The following GAP43 variants were observed in gnomAD, a reference collection of about 807,000 sequenced individuals.
GAP43 encodes neuromodulin.
Under a neutral mutation model 18.6 loss-of-function variants are expected in GAP43, and 6 were observed. That is an observed-to-expected ratio of 0.32 (90% CI 0.18 to 0.64). The LOEUF (loss-of-function observed/expected upper bound fraction) is 0.64, where lower values mean the gene tolerates loss of function less well. Ranked by LOEUF, GAP43 falls within the 30% of genes least tolerant of loss-of-function variation. The pLI, the probability that GAP43 is intolerant of heterozygous loss-of-function variation, is 0.78. For missense variants in GAP43, 292 were observed against 295.5 expected, an observed-to-expected ratio of 0.99 and a Z score of 0.09; for synonymous variants, 115 against 111.4, an observed-to-expected ratio of 1.03 and a Z score of -0.20.
At chr3:115,708,705 T>C (rs1709395842) in intron 2 of GAP43, among the ~76,000 whole-genome samples, 1 of 152,094 alleles carries the variant, frequency 6.6e-6, no homozygotes, top group Admixed American at 6.6e-5. Flanking sequence ...AGGAACCAGG[T>C]TGAGGTGGCT....
intron 1 of GAP43, chr3:115,663,861 G>A: frequency 6.4e-7 from 1 of 1,552,142 alleles, no homozygotes; most frequent in Non-Finnish European, 8.7e-7. Context: ...AATCTTCAGA[G>A]AGCAGTTCGA....
At chr3:115,679,686 C>T (rs1006737705) in intron 2 of GAP43, among the ~76,000 whole-genome samples, 7 of 152,166 alleles carry the variant, frequency 4.6e-5, no homozygotes, top group Non-Finnish European at 8.8e-5. Context: ...TTCTCTCTTA[C>T]GTCTCCTCTT....
At chr3:115,636,682 G>C (rs77139573) in intron 1 of GAP43, among the ~76,000 whole-genome samples, 2 of 151,982 alleles carry the variant, frequency 1.3e-5, no homozygotes, top group African/African-American at 4.8e-5. Context: ...AATTTCAATG[G>C]TTTCTCTTTG....
Position 115,661,831 on chromosome 3 carries a change from C to CTTTTTTTTTTTTTTTTTTTTTTTTTTT in GAP43, c.31-14168_31-14167insTTTTTTTTTTTTTTTTTTTTTTTTTTT, listed in dbSNP as rs56209932. Among the ~76,000 whole-genome samples the CTTTTTTTTTTTTTTTTTTTTTTTTTTT allele has an allele frequency of 3.8e-5, 4 of 105,970 alleles. 1 individual carries two copies. The highest frequency in any genetic ancestry group is 1.2e-4 in the African/African-American group (3 of 24,548). 69.5% of individuals were successfully genotyped at this position (105,970 alleles called of 152,430 possible). ...AGTTTGGCTTGGGGAGAAACTAGGG[C>CTTTTTTTTTTTTTTTTTTTTTTTTTTT]TTTTTTTTTTTTTTACCTGGGAGCT... On this transcript the variant is annotated intron_variant, in intron 1 of 2. Transcript: ENST00000305124.
At chr3:115,643,483 T>C (rs1183424518) in intron 1 of GAP43, among the ~76,000 whole-genome samples, 1 of 152,110 alleles carries the variant, frequency 6.6e-6, no homozygotes, top group Non-Finnish European at 1.5e-5. Context: ...GATGTAACCC[T>C]GTAGTCAGAA....
chr3:115,683,131 GCGTGCGCGCGCGCGCGCA>G (rs1425561733), intron 2 of GAP43, among the ~76,000 whole-genome samples: 7 of 97,420 alleles, frequency 7.2e-5, no homozygotes, highest in Non-Finnish European at 1.1e-4. Context: ...ATGTGCGCGC[GCGTGCGCGCGCGCGCGCA>G]CACACACACA....
chr3:115,701,400 A>G (rs1240869111), intron 2 of GAP43, among the ~76,000 whole-genome samples: 1 of 151,966 alleles, frequency 6.6e-6, no homozygotes, highest in Non-Finnish European at 1.5e-5. Flanking sequence ...AGGGTCATTT[A>G]AAGAGCCCTA....
At chr3:115,712,150 TG>T in intron 2 of GAP43, among the ~76,000 whole-genome samples, 1 of 152,336 alleles carries the variant, frequency 6.6e-6, no homozygotes, top group South Asian at 2.1e-4. Context: ...AAAATATCTC[TG>T]GGTTTTTTCT....
At chr3:115,654,900 G>A (rs760300503) in intron 1 of GAP43, among the ~76,000 whole-genome samples, 2 of 152,068 alleles carry the variant, frequency 1.3e-5, no homozygotes, top group Non-Finnish European at 2.9e-5. Context: ...TACTGAGTGA[G>A]GTGATTTTTA....
intron 2 of GAP43, among the ~76,000 whole-genome samples, chr3:115,714,651 G>A (rs1450269613): frequency 1.3e-5 from 2 of 151,502 alleles, no homozygotes; most frequent in Non-Finnish European, 2.9e-5. Flanking sequence ...AGGAAAAAAA[G>A]CCTAAACTAC....
intron 1 of GAP43, among the ~76,000 whole-genome samples, chr3:115,662,042 C>T (rs1576986235): frequency 6.6e-6 from 1 of 151,840 alleles, no homozygotes; most frequent in African/African-American, 2.4e-5. Context: ...AACCACAATT[C>T]GATTTTAGCT....
intron 1 of GAP43, among the ~76,000 whole-genome samples, chr3:115,674,849 T>C (rs1360751825): frequency 6.6e-6 from 1 of 152,240 alleles, no homozygotes; most frequent in African/African-American, 2.4e-5. Flanking sequence ...CATAAAATCC[T>C]GATGGGATTT....
At chr3:115,700,626 G>A (rs921574038) in intron 2 of GAP43, among the ~76,000 whole-genome samples, 4 of 151,974 alleles carry the variant, frequency 2.6e-5, no homozygotes, top group Non-Finnish European at 4.4e-5. Context: ...ATATTATTAT[G>A]TACACTGAAG....
At chr3:115,685,509 C>A (rs945643116) in intron 2 of GAP43, among the ~76,000 whole-genome samples, 1 of 152,178 alleles carries the variant, frequency 6.6e-6, no homozygotes, top group African/African-American at 2.4e-5. Context: ...GGACACAGAC[C>A]AGTAAACAGG....
chr3:115,720,437 A>G (rs982509511), intron 2 of GAP43, among the ~76,000 whole-genome samples: 6 of 152,202 alleles, frequency 3.9e-5, no homozygotes, highest in Non-Finnish European at 8.8e-5. Context: ...TTCTGACACT[A>G]ATAGAACAGC....
chr3:115,706,980 T>G (rs574073509), intron 2 of GAP43, among the ~76,000 whole-genome samples: 9 of 152,366 alleles, frequency 5.9e-5, no homozygotes, highest in Non-Finnish European at 1.3e-4. Context: ...TTATTATTCC[T>G]ATTTTACTTA....
intron 2 of GAP43, among the ~76,000 whole-genome samples, chr3:115,704,930 A>C (rs989001828): frequency 2.0e-5 from 3 of 152,180 alleles, no homozygotes; most frequent in African/African-American, 7.2e-5. Context: ...CTACAAGCTG[A>C]GTCTGTGACG....
chr3:115,679,108 G>T (rs140246290), intron 2 of GAP43, among the ~76,000 whole-genome samples: 1 of 151,924 alleles, frequency 6.6e-6, no homozygotes, highest in Admixed American at 6.6e-5. Context: ...TGTACTGTTC[G>T]GAAATGGGTG....
intron 1 of GAP43, among the ~76,000 whole-genome samples, chr3:115,639,585 A>G (rs1307051788): frequency 1.3e-5 from 2 of 152,206 alleles, no homozygotes; most frequent in South Asian, 2.1e-4. Flanking sequence ...TTAAAAAACT[A>G]TGTACAATAA....
Sources: allele counts gnomAD v4.1 joint callset (sites outside exome capture counted in the v4.1 genomes callset), GRCh38; gene constraint gnomAD v4.1.1; transcripts MANE v1.5; gene names NCBI Gene and HGNC (gene_info 2026-07-23, HGNC 2026-07-21).